Variants in CRACR2A observed in about 807,000 individuals in gnomAD.
CRACR2A encodes calcium release activated channel regulator 2A.
A neutral mutation model predicts 90.5 loss-of-function variants in CRACR2A; 79 were observed. The ratio of observed to expected loss-of-function variants is 0.87; its 90% CI spans 0.73 to 1.05. The LOEUF (loss-of-function observed/expected upper bound fraction) is 1.05. Ranked by LOEUF, CRACR2A falls within the 50% of genes least tolerant of loss-of-function variation. The pLI is 0.00. For missense variants in CRACR2A, 823 were observed against 897.2 expected (o/e 0.92, Z 1.06); for synonymous variants, 338 against 356.7 (o/e 0.95, Z 0.59).
chr12:3,744,535 T>C (rs908846237), intron 1 of CRACR2A, among the ~76,000 whole-genome samples: 3 of 152,212 alleles, frequency 2.0e-5, no homozygotes, highest in African/African-American at 7.2e-5. Flanking sequence ...CTTACATCTG[T>C]GGTGCTCACT....
At chr12:3,745,825 T>TAAAATAAAG (rs149739964) in intron 1 of CRACR2A, among the ~76,000 whole-genome samples, 13,751 of 100,146 alleles carry the variant, frequency 0.14, 1,500 homozygotes, top group East Asian at 0.41. Flanking sequence ...TAAAATAAAA[T>TAAAATAAAG]AAAGAAAGAA....
chr12:3,721,388 A>G (rs1946171321), intron 2 of CRACR2A, among the ~76,000 whole-genome samples: 1 of 147,376 alleles, frequency 6.8e-6, no homozygotes, highest in Non-Finnish European at 1.5e-5. Flanking sequence ...AAAAAGAAAG[A>G]AAGAAAAGAA....
intron 7 of CRACR2A, among the ~76,000 whole-genome samples, chr12:3,666,631 T>TG (rs1419144244): frequency 6.6e-6 from 1 of 152,262 alleles, no homozygotes; most frequent in Non-Finnish European, 1.5e-5. Flanking sequence ...CAAAGTGTTT[T>TG]GCACATGGCA....
intron 4 of CRACR2A, 24 bp downstream of exon 4, chr12:3,696,748 A>G (rs776963437): frequency 4.3e-6 from 7 of 1,613,620 alleles, no homozygotes; most frequent in Admixed American, 1.7e-5. Flanking sequence ...CTCAGTGGGC[A>G]GGCCTACCTG....
chr12:3,654,487 TGGCA>T, intron 9 of CRACR2A, 88 bp from the exon 10 acceptor site: 2 of 1,367,830 alleles, frequency 1.5e-6, no homozygotes, highest in Non-Finnish European at 2.0e-6. Flanking sequence ...TTTCTCTGCT[TGGCA>T]GGCAGGAACC....
intron 3 of CRACR2A, among the ~76,000 whole-genome samples, chr12:3,704,727 A>G (rs1172631822): frequency 6.6e-6 from 1 of 152,204 alleles, no homozygotes; most frequent in Non-Finnish European, 1.5e-5. Context: ...CAACTCTGGC[A>G]AGCAGGAAAT....
chr12:3,709,270 G>A (rs748503064), intron 3 of CRACR2A, among the ~76,000 whole-genome samples: 6 of 152,198 alleles, frequency 3.9e-5, no homozygotes, highest in Non-Finnish European at 8.8e-5. Context: ...TGAAGCAGAA[G>A]CTTCTCTCAA....
chr12:3,707,946 T>C (rs78035856), intron 3 of CRACR2A, among the ~76,000 whole-genome samples: 143 of 152,360 alleles, frequency 9.4e-4, no homozygotes, highest in African/African-American at 3.4e-3. Context: ...AAGTTGCATA[T>C]GATGATGAAG....
At chr12:3,629,971 A>G (rs925111886) in intron 15 of CRACR2A, among the ~76,000 whole-genome samples, 2 of 152,026 alleles carry the variant, frequency 1.3e-5, no homozygotes, top group Non-Finnish European at 2.9e-5. Flanking sequence ...TTTTAAGACT[A>G]CCACCAGTTC....
chr12:3,657,506 T>TC (rs1445829074), intron 8 of CRACR2A, among the ~76,000 whole-genome samples: 1 of 152,210 alleles, frequency 6.6e-6, no homozygotes, highest in Non-Finnish European at 1.5e-5. Context: ...GCAGGATGCT[T>TC]CCTTGCGCAT....
chr12:3,706,770 T>C (rs1376211118), intron 3 of CRACR2A, among the ~76,000 whole-genome samples: 2 of 152,074 alleles, frequency 1.3e-5, no homozygotes, highest in Non-Finnish European at 2.9e-5. Flanking sequence ...CCAGCTAATT[T>C]TTTTATCACT....
At chr12:3,724,371 A>G (rs1313535674) in intron 2 of CRACR2A, among the ~76,000 whole-genome samples, 1 of 152,236 alleles carries the variant, frequency 6.6e-6, no homozygotes, top group Non-Finnish European at 1.5e-5. Context: ...TTTCATGGGC[A>G]TTGTTAATGA....
At chr12:3,646,716 C>A (rs1944693237) in intron 11 of CRACR2A, among the ~76,000 whole-genome samples, 1 of 152,086 alleles carries the variant, frequency 6.6e-6, no homozygotes, top group Non-Finnish European at 1.5e-5. Context: ...GAGTTAGCAC[C>A]CTTGCACATG....
At chr12:3,660,306 C>T (rs111531352) in intron 7 of CRACR2A, among the ~76,000 whole-genome samples, 8,981 of 152,228 alleles carry the variant, frequency 0.059, 903 homozygotes, top group African/African-American at 0.2. Context: ...AGTGCCTGTG[C>T]CATCTCAGGC....
At chr12:3,617,606 A>C (rs1436261629) in intron 18 of CRACR2A, among the ~76,000 whole-genome samples, 1 of 152,236 alleles carries the variant, frequency 6.6e-6, no homozygotes, top group Non-Finnish European at 1.5e-5. Flanking sequence ...CCTGGCTGTC[A>C]GCACTGGTGC....
chr12:3,678,387 G>A (rs902127123), intron 6 of CRACR2A, among the ~76,000 whole-genome samples: 3 of 152,162 alleles, frequency 2.0e-5, no homozygotes, highest in Non-Finnish European at 4.4e-5. Context: ...GCACAAGCCT[G>A]GTTTGCCGAG....
rs557552597 is a variant in CRACR2A at position 3,719,988 on chromosome 12, G to A, written c.-117-6671C>T. Among the ~76,000 whole-genome samples, 28 of 151,788 alleles carry A rather than the reference G, an allele frequency of 1.8e-4. No homozygotes were observed. The East Asian group carries it at 4.3e-3, about 23-fold the overall frequency. On this transcript the variant is annotated intron_variant, in intron 2 of 19. Coordinates refer to ENST00000440314, the MANE Select transcript of CRACR2A (RefSeq NM_001144958.2). The stretch of plus-strand genomic sequence containing the variant: ...CAAAAAATTAGCTGGGCGTGGTGGC[G>A]GGCGCCTGTAATCCCAGTTACTGAA...
intron 6 of CRACR2A, among the ~76,000 whole-genome samples, 191 bp downstream of exon 6, chr12:3,678,724 A>T (rs1043460308): frequency 1.3e-5 from 2 of 151,966 alleles, no homozygotes; most frequent in Non-Finnish European, 2.9e-5. Context: ...CAGCAGAGAC[A>T]GAGCCCAACA....
chr12:3,747,109 G>A (rs550450737), intron 1 of CRACR2A, among the ~76,000 whole-genome samples: 3 of 152,306 alleles, frequency 2.0e-5, no homozygotes, highest in South Asian at 2.1e-4. Context: ...ATTCAGAGGC[G>A]GCAGGCTGTG....
Sources: allele counts gnomAD v4.1 joint callset (sites outside exome capture counted in the v4.1 genomes callset), GRCh38; gene constraint gnomAD v4.1.1; transcripts MANE v1.5; gene names NCBI Gene and HGNC (gene_info 2026-07-23, HGNC 2026-07-21).